Variants in DOCK8 observed in about 807,000 individuals in gnomAD.
DOCK8 encodes dedicator of cytokinesis 8.
In DOCK8, 141 loss-of-function variants were observed where a neutral mutation model predicts 245.6. The ratio of observed to expected loss-of-function variants is 0.57; its 90% confidence interval spans 0.50 to 0.66. DOCK8 has a LOEUF of 0.66. Among genes scored for constraint, DOCK8 ranks in the 30% least tolerant of loss-of-function variants. DOCK8 has a pLI of 0.00. For missense variants in DOCK8, 2,965 were observed against 2,603.4 expected (o/e 1.14, Z -3.02); for synonymous variants, 1,168 against 970.2 (o/e 1.20, Z -3.79).
chr9:325,882 C>T, intron 8 of DOCK8, 145 bp downstream of exon 8: 1 of 774,094 alleles, frequency 1.3e-6, no homozygotes, highest in East Asian at 2.6e-5. Context: ...GTTGCCTTTG[C>T]AATTTTTCAA....
At chr9:432,085 G>A in intron 36 of DOCK8, 81 bp from the exon 37 acceptor site, 4 of 1,470,458 alleles carry the variant, frequency 2.7e-6, no homozygotes, top group Non-Finnish European at 3.8e-6. Context: ...AGTTGTTTGT[G>A]TCTGGCCATG....
chr9:400,246 TCCACCATCACCACCA>T (rs2054799420), intron 26 of DOCK8, among the ~76,000 whole-genome samples: 1 of 40,238 alleles, frequency 2.5e-5, no homozygotes, highest in Non-Finnish European at 4.7e-5. Context: ...CACCACCACC[TCCACCATCACCACCA>T]CCTCCACCAT....
chr9:215,009 G>A lies in DOCK8; in HGVS notation c.33G>A (p.Ala11=). 1 of 1,593,156 alleles carries A rather than the reference G, an allele frequency of 6.3e-7. No homozygotes were observed. Among genetic ancestry groups the A allele is most frequent in the Non-Finnish European group, 8.5e-7 (1 of 1,174,762 alleles). MATLPSAERR[A]FALKINRYSS... ...CTCTGCCGAGCGCAGAGCGCCGCGC[G>A]TTCGCGCTCAAGATCAACAGGTAAG... The change falls in exon 1 of 48, where the codon GCG becomes GCA. Residue 11 remains alanine (A), a synonymous_variant. Coordinates refer to ENST00000432829, the MANE Select transcript of DOCK8 (RefSeq NM_203447.4).
Position 443,462 on chromosome 9 carries a change from G to A in DOCK8, c.5526G>A (p.Val1842=), listed in dbSNP as rs1464054331. The A allele has an allele frequency of 6.2e-7, 1 of 1,613,996 alleles. No individual in the cohort carries two copies. The highest frequency in any genetic ancestry group is 8.5e-7 in the Non-Finnish European group (1 of 1,179,984). Residue 1842 remains valine, a synonymous_variant, in exon 43 of 48, where the codon GTG becomes GTA. Transcript: ENST00000432829. The part of the protein sequence containing the change: ...FYGQCFGAEF[V]EVIKDSTPVD... ...GTCAATGTTTTGGTGCAGAATTTGT[G>A]GAAGTGATTAAAGACTCCACTCCTG...
At chr9:366,658 T>A (rs2053015608) in intron 14 of DOCK8, 1 of 152,186 alleles carries the variant, frequency 6.6e-6, no homozygotes. Context: ...GTCAAAACAT[T>A]TGGGGAAAGA....
chr9:286,335 C>G (rs952179898), intron 2 of DOCK8, 126 bp from the exon 3 acceptor site: 20 of 1,071,894 alleles, frequency 1.9e-5, no homozygotes, highest in Admixed American at 7.4e-5. Flanking sequence ...AGAGTCGCTC[C>G]GTTTTATGCC....
Position 404,914 on chromosome 9 carries a change from C to T in DOCK8, c.3235-4C>T, listed in dbSNP as rs537151232. ...TTCATTCCTCTTTTCATTTTTCTTC[C>T]CAGCTGTCAGCCAAGCTCAGTAACC... On this transcript the variant is annotated splice_polypyrimidine_tract_variant and splice_region_variant and intron_variant, in intron 26 of 47. Coordinates refer to ENST00000432829, the MANE Select transcript of DOCK8 (RefSeq NM_203447.4). 1 of 1,613,934 alleles carries T rather than the reference C, an allele frequency of 6.2e-7. No homozygotes were observed. The highest frequency in any genetic ancestry group is 1.7e-5 in the Admixed American group (1 of 60,016).
intron 10 of DOCK8, among the ~76,000 whole-genome samples, chr9:333,325 G>A (rs1156453210): frequency 1.3e-5 from 2 of 152,238 alleles, no homozygotes; most frequent in African/African-American, 2.4e-5. Context: ...GCCTTGGCCG[G>A]GCGTGGTGGC....
intron 22 of DOCK8, among the ~76,000 whole-genome samples, chr9:382,903 A>G (rs566219362): frequency 6.6e-6 from 1 of 152,198 alleles, no homozygotes; most frequent in East Asian, 1.9e-4. Flanking sequence ...GCTGAGAACT[A>G]CTTAGCTTGG....
At chr9:258,700 C>G (rs1019136857) in intron 1 of DOCK8, among the ~76,000 whole-genome samples, 1 of 146,780 alleles carries the variant, frequency 6.8e-6, no homozygotes, top group African/African-American at 2.5e-5. Flanking sequence ...CGGGTTCAAG[C>G]AATTCTCCTG....
At chr9:368,460 G>T (rs1011766036) in intron 15 of DOCK8, 4 of 604,108 alleles carry the variant, frequency 6.6e-6, no homozygotes, top group Non-Finnish European at 1.2e-5. Context: ...GGCTCAACAC[G>T]TGCGCCATGT....
rs926930874 is a variant in DOCK8 at position 442,992 on chromosome 9, G to C, written c.5491-435G>C. 7.2e-5 allele frequency among the ~76,000 whole-genome samples: 11 copies of C among 152,194 alleles called. No individual in the cohort carries two copies. The East Asian group carries it at 1.7e-3, about 24-fold the overall frequency. ...AATTGTTTAGCACATGAGAAAAAGA[G>C]CTAGCAATTGACCCCAGTCCACTTG... On this transcript the variant is annotated intron_variant, in intron 42 of 47. Coordinates refer to ENST00000432829, the MANE Select transcript of DOCK8 (RefSeq NM_203447.4).
chr9:248,969 C>T (rs1031951607), intron 1 of DOCK8, among the ~76,000 whole-genome samples: 1 of 152,168 alleles, frequency 6.6e-6, no homozygotes, highest in African/African-American at 2.4e-5. Flanking sequence ...AATGACTGCA[C>T]ACTTATGGAA....
chr9:435,829 A>G (rs2056881611), intron 39 of DOCK8, among the ~76,000 whole-genome samples: 1 of 152,206 alleles, frequency 6.6e-6, no homozygotes, highest in Admixed American at 6.5e-5. Context: ...AAAAAGCACA[A>G]TGTTGGGTAC....
intron 1 of DOCK8, among the ~76,000 whole-genome samples, chr9:235,721 TC>T (rs1478678163): frequency 6.6e-6 from 1 of 152,156 alleles, no homozygotes; most frequent in Non-Finnish European, 1.5e-5. Flanking sequence ...GGATATAATC[TC>T]CTGGTGTGCC....
In DOCK8 at chr9:396,948, A is replaced by G. The variant is rs1380566652; in HGVS notation, c.3120+14A>G. The stretch of plus-strand genomic sequence containing the variant: ...AAACCACAGAAGGTAACTGTATTTT[A>G]CTCTTTATTTTCTAAATTGTTTACC... On this transcript the variant is annotated intron_variant, in intron 25 of 47. Coordinates refer to ENST00000432829, the MANE Select transcript of DOCK8 (RefSeq NM_203447.4). The G allele has an allele frequency of 6.2e-7, 1 of 1,612,610 alleles. No homozygotes were observed. The highest frequency in any genetic ancestry group is 1.3e-5 in the African/African-American group (1 of 74,870).
At chr9:235,700 A>T (rs2047227951) in intron 1 of DOCK8, among the ~76,000 whole-genome samples, 1 of 152,166 alleles carries the variant, frequency 6.6e-6, no homozygotes, top group Admixed American at 6.5e-5. Flanking sequence ...GGACCCTCTG[A>T]GCCATGTGTG....
intron 35 of DOCK8, among the ~76,000 whole-genome samples, chr9:429,374 C>T (rs539657394): frequency 5.3e-5 from 8 of 152,306 alleles, no homozygotes; most frequent in South Asian, 2.1e-4. Flanking sequence ...TTTTCTCTTT[C>T]TTCATCACCA....
chr9:234,183 T>C (rs2047191601), intron 1 of DOCK8, among the ~76,000 whole-genome samples: 1 of 152,218 alleles, frequency 6.6e-6, no homozygotes. Context: ...TATGAAATTC[T>C]GCATTGAAAA....
Sources: gnomAD v4.1 joint callset for allele counts (sites outside exome capture counted in the v4.1 genomes callset) on GRCh38, gnomAD v4.1.1 for gene constraint, MANE v1.5 for transcripts, NCBI Gene and HGNC (gene_info 2026-07-23, HGNC 2026-07-21) for gene names.